The following SHROOM3 variants were observed in gnomAD, a reference collection of about 807,000 sequenced individuals.
SHROOM3 encodes shroom family member 3, also known as protein Shroom3.
Under a neutral mutation model 138.6 loss-of-function variants are expected in SHROOM3, and 47 were observed. The ratio of observed to expected loss-of-function variants is 0.34; its 90% CI spans 0.27 to 0.43. The LOEUF (loss-of-function observed/expected upper bound fraction) is 0.43. Among genes scored for constraint, SHROOM3 ranks in the 20% least tolerant of loss-of-function variants. The pLI is 1.00. For synonymous variants in SHROOM3, 1,062 were observed against 1,063.3 expected (o/e 1.00, Z 0.02); for missense variants, 2,491 against 2,596.5 (o/e 0.96, Z 0.88).
At chr4:76,767,292 C>G (rs1306036338) in intron 9 of SHROOM3, among the ~76,000 whole-genome samples, 1 of 152,164 alleles carries the variant, frequency 6.6e-6, no homozygotes, top group Non-Finnish European at 1.5e-5. Flanking sequence ...GAGTTCTCTC[C>G]TCTCATCACT....
At chr4:76,633,691 T>C (rs1735409059) in intron 2 of SHROOM3, among the ~76,000 whole-genome samples, 1 of 150,374 alleles carries the variant, frequency 6.7e-6, no homozygotes, top group African/African-American at 2.4e-5. Flanking sequence ...AAAGAAATTC[T>C]GCAACACACC....
At chr4:76,729,590 T>C (rs917642086) in intron 3 of SHROOM3, among the ~76,000 whole-genome samples, 1 of 152,232 alleles carries the variant, frequency 6.6e-6, no homozygotes, top group African/African-American at 2.4e-5. Flanking sequence ...TTATTTTAGA[T>C]TAAGATGCAG....
chr4:76,639,547 C>A (rs1735602414), intron 2 of SHROOM3: 5 of 398,530 alleles, frequency 1.3e-5, no homozygotes, highest in Non-Finnish European at 1.8e-5. Flanking sequence ...AATCTCATTG[C>A]TGGCCTGTTG....
chr4:76,741,163 GGCCCGT>G lies in SHROOM3; in HGVS notation c.2995_3000del (p.Val999_Pro1000del), dbSNP rs1305437868. ...ACCCCTGCTGAGGGCGACCTGGCCAGGCCCGTGCCCCCTGCCGCCCGGAGAGGTGCT... is the reference window on the plus strand; with the variant it reads ...ACCCCTGCTGAGGGCGACCTGGCCAGGCCCCCTGCCGCCCGGAGAGGTGCT... On this transcript the variant is annotated inframe_deletion, in exon 5 of 11. Coordinates refer to ENST00000296043, the MANE Select transcript of SHROOM3 (RefSeq NM_020859.4). The surrounding 1 kb of genome is among the most constrained non-coding windows in gnomAD (Gnocchi z 6.2). The G allele has an allele frequency of 5.7e-6, 9 of 1,579,828 alleles. No homozygotes were observed. Among genetic ancestry groups the G allele is most frequent in the African/African-American group, 1.3e-5 (1 of 74,210 alleles).
chr4:76,760,493 A>G (rs1248892291), intron 9 of SHROOM3, among the ~76,000 whole-genome samples: 1 of 152,194 alleles, frequency 6.6e-6, no homozygotes, highest in African/African-American at 2.4e-5. Flanking sequence ...TGAGCCTGGA[A>G]GGTAAGTGGT....
chr4:76,741,339 G>C lies in SHROOM3; in HGVS notation c.3166G>C (p.Asp1056His), dbSNP rs750605726. The stretch of plus-strand genomic sequence containing the variant: ...GCGTTTCCCGGAGAGCAGCGTGGCC[G>C]ACCGGCGCCGTCTCTTCGAGCGCGA... ...GMRFPESSVA[D>H]RRRLFERDGK... The change falls in exon 5 of 11, where the codon GAC (aspartate) becomes CAC (histidine). Residue 1056 changes from aspartate to histidine, a missense_variant. Transcript: ENST00000296043. The surrounding 1 kb of genome is among the most constrained non-coding windows in gnomAD (Gnocchi z 6.2). The C allele has an allele frequency of 3.1e-6, 5 of 1,610,320 alleles. No individual in the cohort carries two copies. Among genetic ancestry groups the C allele is most frequent in the Non-Finnish European group, 4.2e-6 (5 of 1,178,994 alleles).
At position 76,754,953 on chromosome 4, in the gene SHROOM3, T is replaced by C. The variant is rs1463842832; in HGVS notation, c.4470T>C (p.Ser1490=). The stretch of plus-strand genomic sequence containing the variant: ...CAGGGAGGATCTCCCTCCGAATATC[T>C]GAGTCTGTCCTGCGGGACTCCCCGC... ...STPGRISLRI[S]ESVLRDSPPP... Residue 1490 remains serine (S), a synonymous_variant, in exon 7 of 11, where the codon TCT becomes TCC. Coordinates refer to ENST00000296043, the MANE Select transcript of SHROOM3 (RefSeq NM_020859.4). 6.2e-7 allele frequency: 1 copy of C among 1,614,178 alleles called. No individual in the cohort carries two copies. The highest frequency in any genetic ancestry group is 1.1e-5 in the South Asian group (1 of 91,078).
intron 2 of SHROOM3, among the ~76,000 whole-genome samples, chr4:76,604,749 C>T (rs550965065): frequency 6.6e-6 from 1 of 152,308 alleles, no homozygotes; most frequent in South Asian, 2.1e-4. Flanking sequence ...GATGTTGAAA[C>T]ACTAAAATAG....
At chr4:76,505,274 G>C (rs2110001688) in intron 1 of SHROOM3, among the ~76,000 whole-genome samples, 1 of 152,252 alleles carries the variant, frequency 6.6e-6, no homozygotes, top group South Asian at 2.1e-4. Flanking sequence ...ACCTTACTAA[G>C]GTTCTTGAGA....
intron 2 of SHROOM3, among the ~76,000 whole-genome samples, chr4:76,617,565 C>G (rs1734909348): frequency 6.6e-6 from 1 of 152,170 alleles, no homozygotes; most frequent in Non-Finnish European, 1.5e-5. Flanking sequence ...AGATATTTTT[C>G]AGGCTTCAAC....
intron 10 of SHROOM3, among the ~76,000 whole-genome samples, chr4:76,776,965 T>TTTACACTA (rs1360809845): frequency 6.6e-6 from 1 of 152,220 alleles, no homozygotes; most frequent in Admixed American, 6.5e-5. Flanking sequence ...TATGCCTGTT[T>TTTACACTA]TTACACTAAT....
Position 76,575,185 on chromosome 4 carries a change from G to A in SHROOM3, c.323+19422G>A, listed in dbSNP as rs61582466. On this transcript the variant is annotated intron_variant, in intron 2 of 10. Coordinates refer to ENST00000296043, the MANE Select transcript of SHROOM3 (RefSeq NM_020859.4). ...ATGATAAAAGTCCTTCAAAAAACTG[G>A]GTATAGGAGAAACATACTTCAACAT... is the stretch of plus-strand genomic sequence containing the variant. Among the ~76,000 whole-genome samples the A allele has an allele frequency of 4.7e-3, 709 of 152,144 alleles. 10 individuals are homozygous for A. The highest frequency in any genetic ancestry group is 0.016 in the African/African-American group (671 of 41,510).
In SHROOM3 at chr4:76,710,169, G is replaced by C; in HGVS notation, c.337G>C (p.Asp113His). 1.2e-6 allele frequency: 2 copies of C among 1,614,126 alleles called. No individual in the cohort carries two copies. The highest frequency in any genetic ancestry group is 1.7e-6 in the Non-Finnish European group (2 of 1,180,012). ...TATTGTTGACAGAGATGTGTGCACA[G>C]ACCCAGGCCATGCAGATACTGGTGC... is the stretch of plus-strand genomic sequence containing the variant. ...RLVVRRDVCT[D>H]PGHADTGASN... is the part of the protein sequence containing the mutation. Residue 113 changes from aspartate to histidine, a missense_variant, in exon 3 of 11, where the codon GAC becomes CAC. Coordinates refer to ENST00000296043, the MANE Select transcript of SHROOM3 (RefSeq NM_020859.4).
At position 76,740,486 on chromosome 4, in the gene SHROOM3, C is replaced by T; in HGVS notation, c.2313C>T (p.Gly771=). 6.2e-7 allele frequency: 1 copy of T among 1,612,860 alleles called. No homozygotes were observed. Among genetic ancestry groups the T allele is most frequent in the South Asian group, 1.1e-5 (1 of 91,060 alleles). The change falls in exon 5 of 11, where the codon GGC becomes GGT. Residue 771 remains glycine, a synonymous_variant. Transcript: ENST00000296043. The surrounding 1 kb of genome is among the most constrained non-coding windows in gnomAD (Gnocchi z 4.0). ...CAGGCAGCGCCTCGGCTCTTCAGGG[C>T]TTTCAGTACGGGAAGCCCCACTGCT... ...PGPGSASALQ[G]FQYGKPHCSV... is the part of the protein sequence containing the mutation.
chr4:76,739,048 G>A lies in SHROOM3; in HGVS notation c.875G>A (p.Arg292Gln), dbSNP rs371504856. 8.4e-5 allele frequency: 136 copies of A among 1,614,236 alleles called. 1 individual carries two copies. Among genetic ancestry groups the A allele is most frequent in the African/African-American group, 1.1e-4 (8 of 75,066 alleles). Reference sequence around the variant, plus strand: ...GGCTCCATGGACAATACTTCTGCTCGAGGTGGCCTCCTCGAAGGGATGAGG... The same window carrying A: ...GGCTCCATGGACAATACTTCTGCTCAAGGTGGCCTCCTCGAAGGGATGAGG... ...RSGSMDNTSARGGLLEGMRQA... is the reference protein window; with the variant it reads ...RSGSMDNTSAQGGLLEGMRQA... Residue 292 changes from arginine to glutamine, a missense_variant, in exon 5 of 11, where the codon CGA (arginine) becomes CAA (glutamine). Physicochemically the swap from Arg to Gln is conservative, Grantham distance 43 (BLOSUM62 1). Coordinates refer to ENST00000296043, the MANE Select transcript of SHROOM3 (RefSeq NM_020859.4).
intron 2 of SHROOM3, chr4:76,639,440 G>A (rs1735598117): frequency 2.5e-6 from 1 of 396,160 alleles, no homozygotes; most frequent in East Asian, 3.6e-5. Flanking sequence ...ACCTACACGG[G>A]GGAGTTCTAT....
At chr4:76,582,698 T>C (rs1162140267) in intron 2 of SHROOM3, among the ~76,000 whole-genome samples, 1 of 152,218 alleles carries the variant, frequency 6.6e-6, no homozygotes, top group Non-Finnish European at 1.5e-5. Flanking sequence ...ATCTAGTTTA[T>C]TCCTTTTTAT....
intron 3 of SHROOM3, among the ~76,000 whole-genome samples, chr4:76,723,468 C>T (rs1198212889): frequency 6.6e-6 from 1 of 152,168 alleles, no homozygotes; most frequent in Non-Finnish European, 1.5e-5. Flanking sequence ...GTCACTTGCT[C>T]ATAGAGGCTG....
chr4:76,582,416 T>C (rs1416731077), intron 2 of SHROOM3, among the ~76,000 whole-genome samples: 1 of 152,158 alleles, frequency 6.6e-6, no homozygotes, highest in Admixed American at 6.5e-5. Context: ...TCTTCATTAT[T>C]TTGTGCAGCT....
Sources: allele counts gnomAD v4.1 joint callset (sites outside exome capture counted in the v4.1 genomes callset), GRCh38; gene constraint gnomAD v4.1.1; non-coding constraint Gnocchi (gnomAD v3.1); transcripts MANE v1.5; gene names NCBI Gene and HGNC (gene_info 2026-07-23, HGNC 2026-07-21).